NOL4: variants seen among roughly 807,000 people sequenced by gnomAD.
NOL4 encodes the protein nucleolar protein 4.
A neutral mutation model predicts 75.9 loss-of-function variants in NOL4; 17 were observed. The ratio of observed to expected loss-of-function variants is 0.22; its 90% CI spans 0.15 to 0.34. NOL4 has a LOEUF of 0.34. Among genes scored for constraint, NOL4 ranks in the 10% least tolerant of loss-of-function variants. NOL4 has a pLI of 1.00. For synonymous variants in NOL4, 292 were observed against 289.9 expected (o/e 1.01, Z -0.07); for missense variants, 614 against 793.5 (o/e 0.77, Z 2.72).
intron 9 of NOL4, among the ~76,000 whole-genome samples, chr18:33,907,305 CAG>C (rs2066112836): frequency 9.2e-6 from 1 of 109,176 alleles, no homozygotes; most frequent in Admixed American, 1.4e-4. Flanking sequence ...GCCTGGGCGA[CAG>C]AGCGAGACTC....
intron 9 of NOL4, among the ~76,000 whole-genome samples, chr18:33,925,687 T>C (rs1283926360): frequency 6.6e-6 from 1 of 152,188 alleles, no homozygotes; most frequent in African/African-American, 2.4e-5. Flanking sequence ...TTTCAGAACA[T>C]TACCCTGAAA....
chr18:34,002,072 C>T (rs2073752945), intron 6 of NOL4, among the ~76,000 whole-genome samples: 1 of 152,100 alleles, frequency 6.6e-6, no homozygotes, highest in Admixed American at 6.6e-5. Context: ...AAATACCTTG[C>T]TTAGATTATT....
rs1555696118 is a variant in NOL4, at chr18:34,024,186, A to ATAT, written c.773-4586_773-4585insATA. ...GCCTTAGGCAAAATAAACAGGAAAA[A>ATAT]AAAAAAAAATATATATATATATATA... On this transcript the variant is annotated intron_variant, in intron 5 of 10. Coordinates refer to ENST00000261592, the MANE Select transcript of NOL4 (RefSeq NM_003787.5). 1.9e-4 allele frequency among the ~76,000 whole-genome samples: 6 copies of ATAT among 31,350 alleles called. 1 individual carries two copies. The highest frequency in any genetic ancestry group is 4.3e-4 in the Admixed American group (1 of 2,308). The allele number at this position is 31,350 out of a possible 152,430, so 20.6% of individuals were successfully genotyped here.
intron 4 of NOL4, among the ~76,000 whole-genome samples, chr18:34,100,671 C>T (rs149650801): frequency 6.0e-4 from 92 of 152,292 alleles, no homozygotes; most frequent in Admixed American, 1.1e-3. Flanking sequence ...GATGTTATAA[C>T]ATTGGAATTT....
intron 1 of NOL4, among the ~76,000 whole-genome samples, chr18:34,217,538 C>T (rs567939317): frequency 1.3e-5 from 2 of 152,230 alleles, no homozygotes; most frequent in East Asian, 3.9e-4. Context: ...CCGCCTGCCT[C>T]AGCCTCCCAG....
chr18:33,875,743 T>C (rs977839698), intron 10 of NOL4, among the ~76,000 whole-genome samples: 12 of 152,014 alleles, frequency 7.9e-5, no homozygotes, highest in African/African-American at 2.9e-4. Flanking sequence ...ATCATTCTAT[T>C]TTTTCTAAAT....
intron 1 of NOL4, among the ~76,000 whole-genome samples, chr18:34,169,644 A>AGAAGAATAT (rs1176209156): frequency 1.3e-5 from 2 of 152,160 alleles, no homozygotes; most frequent in Non-Finnish European, 2.9e-5. Flanking sequence ...ATAAAGGGAT[A>AGAAGAATAT]GAAGAATATG....
chr18:34,063,218 G>A (rs2077137354), intron 5 of NOL4, among the ~76,000 whole-genome samples: 1 of 151,996 alleles, frequency 6.6e-6, no homozygotes, highest in South Asian at 2.1e-4. Context: ...CAGACTATGG[G>A]AAATAAAGCC....
intron 5 of NOL4, among the ~76,000 whole-genome samples, chr18:34,030,134 T>C (rs1669914800): frequency 6.6e-6 from 1 of 152,196 alleles, no homozygotes; most frequent in South Asian, 2.1e-4. Context: ...AAATTCCACT[T>C]TGATTATATT....
At chr18:34,147,333 A>G (rs1373593105) in intron 1 of NOL4, among the ~76,000 whole-genome samples, 1 of 152,120 alleles carries the variant, frequency 6.6e-6, no homozygotes, top group Non-Finnish European at 1.5e-5. Context: ...TTGCCCATTC[A>G]GTATGATATT....
At chr18:34,183,427 C>A (rs145569969) in intron 1 of NOL4, 3 of 151,952 alleles carry the variant, frequency 2.0e-5, no homozygotes, top group Non-Finnish European at 4.4e-5. Context: ...ACACACTATA[C>A]GTTGCTAGTG....
chr18:34,041,385 C>G (rs887400206), intron 5 of NOL4, among the ~76,000 whole-genome samples: 1 of 151,834 alleles, frequency 6.6e-6, no homozygotes, highest in Non-Finnish European at 1.5e-5. Flanking sequence ...GAATGGCAAA[C>G]AGAGGAAAGA....
chr18:34,009,917 T>A (rs2074273148), intron 6 of NOL4, among the ~76,000 whole-genome samples: 1 of 151,934 alleles, frequency 6.6e-6, no homozygotes, highest in African/African-American at 2.4e-5. Flanking sequence ...TTCCATTGGA[T>A]CACAGTGAGA....
At chr18:34,218,098 C>T (rs62095809) in intron 1 of NOL4, among the ~76,000 whole-genome samples, 2 of 147,080 alleles carry the variant, frequency 1.4e-5, no homozygotes, top group Admixed American at 6.7e-5. Flanking sequence ...CCCAGTTAGA[C>T]CAAAAAAAAA....
At chr18:34,203,188 C>T (rs1037991407) in intron 1 of NOL4, among the ~76,000 whole-genome samples, 3 of 151,878 alleles carry the variant, frequency 2.0e-5, no homozygotes, top group Admixed American at 2.0e-4. Flanking sequence ...AAGCCAGTCC[C>T]CAAAGGTTAT....
chr18:34,082,235 C>T (rs2078042454), intron 5 of NOL4, among the ~76,000 whole-genome samples: 1 of 152,094 alleles, frequency 6.6e-6, no homozygotes, highest in African/African-American at 2.4e-5. Flanking sequence ...CTTGTGGCAA[C>T]TTAGAAACTC....
At chr18:34,052,279 C>T (rs1369625540) in intron 5 of NOL4, among the ~76,000 whole-genome samples, 1 of 58,642 alleles carries the variant, frequency 1.7e-5, no homozygotes, top group African/African-American at 4.6e-5. Context: ...TGGAGTAATA[C>T]ATGGTTGATC....
At chr18:33,917,364 T>C (rs2066783820) in intron 9 of NOL4, among the ~76,000 whole-genome samples, 1 of 152,112 alleles carries the variant, frequency 6.6e-6, no homozygotes, top group Non-Finnish European at 1.5e-5. Context: ...CTGTCTGATC[T>C]CAGGAATCCA....
intron 5 of NOL4, among the ~76,000 whole-genome samples, chr18:34,030,388 G>C (rs1009512409): frequency 6.6e-6 from 1 of 152,056 alleles, no homozygotes; most frequent in Admixed American, 6.5e-5. Flanking sequence ...TGGGACAAAA[G>C]GCCTAATCTT....
Sources: gnomAD v4.1 joint callset for allele counts (sites outside exome capture counted in the v4.1 genomes callset) on GRCh38, gnomAD v4.1.1 for gene constraint, MANE v1.5 for transcripts, NCBI Gene and HGNC (gene_info 2026-07-23, HGNC 2026-07-21) for gene names.